Variants in SVIL observed in about 807,000 individuals in gnomAD.
SVIL encodes supervillin.
SVIL carries 101 observed loss-of-function variants against 240.4 expected under a neutral mutation model. The observed-to-expected ratio is 0.42, with a 90% CI of 0.36 to 0.50. The LOEUF is 0.50. Among genes scored for constraint, SVIL ranks in the 20% least tolerant of loss-of-function variants. The pLI, the probability that SVIL is intolerant of heterozygous loss-of-function variation, is 0.01. For synonymous variants in SVIL, 999 were observed against 1,100.0 expected (o/e 0.91, Z 1.82); for missense variants, 2,512 against 2,818.7 (o/e 0.89, Z 2.46).
intron 1 of SVIL, among the ~76,000 whole-genome samples, chr10:29,734,157 G>A (rs1456442361): frequency 6.6e-6 from 1 of 152,220 alleles, no homozygotes; most frequent in Non-Finnish European, 1.5e-5. Flanking sequence ...GCAAAGGACA[G>A]CTATTTCCAC....
At chr10:29,681,412 T>TGTGC in intron 2 of SVIL, among the ~76,000 whole-genome samples, 1 of 148,244 alleles carries the variant, frequency 6.7e-6, no homozygotes, top group South Asian at 2.2e-4. Context: ...GAATGGTGTG[T>TGTGC]GTGTGTGTGT....
intron 1 of SVIL, among the ~76,000 whole-genome samples, chr10:29,703,635 C>A (rs1962679540): frequency 6.6e-6 from 1 of 152,358 alleles, no homozygotes; most frequent in Non-Finnish European, 1.5e-5. Flanking sequence ...AGGATCCAGA[C>A]ACCAACGTCC....
chr10:29,512,729 TG>T lies in SVIL; in HGVS notation c.3516+5del. 6.2e-7 allele frequency: 1 copy of T among 1,614,208 alleles called. No homozygotes were observed. Among genetic ancestry groups the T allele is most frequent in the Non-Finnish European group, 8.5e-7 (1 of 1,180,048 alleles). On this transcript the variant is annotated splice_donor_5th_base_variant and intron_variant, in intron 17 of 37. Transcript: ENST00000355867. ...GGAAGGCTTTTCCTAACATGGGGAA[TG>T]TTACCTTCTTGATGAGGGACCGCCC... is the stretch of plus-strand genomic sequence containing the variant.
chr10:29,673,115 T>C (rs1266093885), intron 2 of SVIL, among the ~76,000 whole-genome samples: 1 of 152,186 alleles, frequency 6.6e-6, no homozygotes, highest in African/African-American at 2.4e-5. Context: ...GGTTTCACCA[T>C]GTTGGCCAGG....
chr10:29,519,497 A>G (rs936537310), intron 16 of SVIL, among the ~76,000 whole-genome samples: 2 of 152,216 alleles, frequency 1.3e-5, no homozygotes, highest in Non-Finnish European at 2.9e-5. Flanking sequence ...TAACATTCTT[A>G]TTTTAAATAG....
At chr10:29,641,022 AC>A (rs556968557) in intron 3 of SVIL, among the ~76,000 whole-genome samples, 44 of 152,344 alleles carry the variant, frequency 2.9e-4, no homozygotes, top group African/African-American at 1.1e-3. Context: ...CACATGGCAA[AC>A]TTTTTGTCTT....
chr10:29,573,054 C>CT (rs1955520946), intron 1 of SVIL, among the ~76,000 whole-genome samples: 1 of 151,192 alleles, frequency 6.6e-6, no homozygotes, highest in South Asian at 2.1e-4. Flanking sequence ...TCCTTTTCTC[C>CT]TTTTTTTTCA....
chr10:29,667,349 G>A (rs546382246), intron 2 of SVIL, among the ~76,000 whole-genome samples: 31 of 152,220 alleles, frequency 2.0e-4, no homozygotes, highest in South Asian at 4.1e-4. Context: ...CAGCTTAAGA[G>A]AAGCCAGACT....
rs553480373 is a variant in SVIL, at chr10:29,587,062, C to T, written c.-200-17750G>A. Among the ~76,000 whole-genome samples the T allele has an allele frequency of 3.3e-5, 5 of 152,196 alleles. No homozygotes were observed. In the South Asian group the frequency reaches 6.2e-4, roughly 19 times the overall value. ...CTTAAAAGTTAAAAACAAATTTTCC[C>T]GATAAAGTCCATACTCCGTAGAATA... On this transcript the variant is annotated intron_variant, in intron 1 of 37. Coordinates refer to ENST00000355867, the MANE Select transcript of SVIL (RefSeq NM_021738.3).
At chr10:29,504,580 A>G (rs1216027142) in intron 17 of SVIL, among the ~76,000 whole-genome samples, 2 of 152,238 alleles carry the variant, frequency 1.3e-5, no homozygotes, top group African/African-American at 4.8e-5. Flanking sequence ...AAATAAGCAC[A>G]TGGAAATATG....
chr10:29,571,929 C>A (rs1304859833), intron 1 of SVIL, among the ~76,000 whole-genome samples: 1 of 152,110 alleles, frequency 6.6e-6, no homozygotes, highest in East Asian at 1.9e-4. Context: ...CCACACCCCA[C>A]CTAGGAGCAG....
chr10:29,633,663 C>CTTT (rs34098641), intron 1 of SVIL, among the ~76,000 whole-genome samples: 24 of 149,208 alleles, frequency 1.6e-4, no homozygotes, highest in African/African-American at 5.9e-4. Context: ...AAGAAATAAT[C>CTTT]TTTTTTTTTT....
At chr10:29,514,670 C>A (rs369623662) in intron 16 of SVIL, among the ~76,000 whole-genome samples, 2 of 152,150 alleles carry the variant, frequency 1.3e-5, no homozygotes, top group African/African-American at 4.8e-5. Flanking sequence ...CATGAGACAG[C>A]GCGCCTAGAC....
chr10:29,502,456 A>T (rs2132445689), intron 17 of SVIL, among the ~76,000 whole-genome samples: 1 of 152,142 alleles, frequency 6.6e-6, no homozygotes, highest in Non-Finnish European at 1.5e-5. Flanking sequence ...GAAGGATGTT[A>T]TATATATAGT....
Position 29,523,839 on chromosome 10 carries a change from A to C in SVIL, c.2775T>G (p.Ile925Met), listed in dbSNP as rs755901704. The part of the protein sequence containing the change: ...IENSDSPVRS[I>M]LKSQAWQPLV... ...AAGGCTGCCAAGCTTGCGATTTCAG[A>C]ATGCTTCTAACTGGAGAGTCCGAAT... The change falls in exon 15 of 38, where the codon ATT (isoleucine) becomes ATG (methionine). Residue 925 changes from isoleucine (I) to methionine (M), a missense_variant. Transcript: ENST00000355867. 9 of 1,614,172 alleles carry C rather than the reference A, an allele frequency of 5.6e-6. 1 individual carries two copies. The South Asian group carries it at 9.9e-5, about 18-fold the overall frequency.
rs116824880 is a variant in SVIL at position 29,685,881 on chromosome 10, G to A, written c.-301+672C>T. On this transcript the variant is annotated intron_variant, in intron 2 of 35. Transcript: ENST00000375400. ...ATGTTCCATTCAGTCACTTGGCTTA[G>A]AATTTAATCTTTGGTTTACAATAGA... Among the ~76,000 whole-genome samples, 763 of 152,250 alleles carry A rather than the reference G, an allele frequency of 5.0e-3. 6 individuals are homozygous for A. Among genetic ancestry groups the A allele is most frequent in the African/African-American group, 0.014 (584 of 41,530 alleles).
At chr10:29,615,122 C>T (rs1957384009) in intron 1 of SVIL, among the ~76,000 whole-genome samples, 1 of 152,110 alleles carries the variant, frequency 6.6e-6, no homozygotes, top group Non-Finnish European at 1.5e-5. Flanking sequence ...CACAGTCAGA[C>T]TTGAGGTTAG....
At chr10:29,707,012 A>G (rs4749482) in intron 1 of SVIL, among the ~76,000 whole-genome samples, 91,821 of 151,970 alleles carry the variant, frequency 0.6, 28,095 homozygotes, top group Admixed American at 0.68. Context: ...CTGCTTTGGT[A>G]CCAGTACCAT....
At position 29,532,962 on chromosome 10, in the gene SVIL, C is replaced by T. The variant is rs780292594; in HGVS notation, c.1405G>A (p.Glu469Lys). 8 of 1,614,056 alleles carry T rather than the reference C, an allele frequency of 5.0e-6. No individual in the cohort carries two copies. In the South Asian group the frequency reaches 5.5e-5, roughly 11 times the overall value. ...LEGDGLVRSP[E>K]DPSRNEDFGK... Reference sequence around the variant, plus strand: ...AAGTCCTCATTTCTAGAGGGATCTTCTGGGCTTCTCACTAGCCCATCACCC... The same window carrying T: ...AAGTCCTCATTTCTAGAGGGATCTTTTGGGCTTCTCACTAGCCCATCACCC... Residue 469 changes from glutamate (E) to lysine (K), a missense_variant, in exon 8 of 38, where the codon GAA becomes AAA. By Grantham distance (56) the Glu-to-Lys change is moderately conservative. Coordinates refer to ENST00000355867, the MANE Select transcript of SVIL (RefSeq NM_021738.3).
Sources: allele counts gnomAD v4.1 joint callset (sites outside exome capture counted in the v4.1 genomes callset), GRCh38; gene constraint gnomAD v4.1.1; transcripts MANE v1.5; gene names NCBI Gene and HGNC (gene_info 2026-07-23, HGNC 2026-07-21).